Variants in IMMP2L observed in about 807,000 individuals in gnomAD.
IMMP2L encodes the protein mitochondrial inner membrane protease subunit 2.
A neutral mutation model predicts 19.3 loss-of-function variants in IMMP2L; 18 were observed. The ratio of observed to expected loss-of-function variants is 0.93; its 90% CI spans 0.64 to 1.38. The LOEUF is 1.38. Among genes scored for constraint, IMMP2L ranks in the 40% most tolerant of loss-of-function variants. The probability of loss-of-function intolerance (pLI) is 0.00; values close to 1 mark genes in which losing one functional copy is unlikely to be tolerated. For missense variants in IMMP2L, 233 were observed against 218.2 expected (o/e 1.07, Z -0.43); for synonymous variants, 76 against 73.0 (o/e 1.04, Z -0.21).
chr7:111,148,469 A>G (rs114349298), intron 3 of IMMP2L, among the ~76,000 whole-genome samples: 1 of 152,236 alleles, frequency 6.6e-6, no homozygotes, highest in African/African-American at 2.4e-5. Flanking sequence ...TAAATATATT[A>G]ACATTCATGG....
Position 111,462,704 on chromosome 7 carries a change from C to T in IMMP2L, c.239+24534G>A, listed in dbSNP as rs552724017. 3.9e-5 allele frequency among the ~76,000 whole-genome samples: 6 copies of T among 152,156 alleles called. No homozygotes were observed. In the East Asian group the frequency reaches 1.2e-3, roughly 29 times the overall value. ...CGATAAAATGTGCTTACAGACCTAA[C>T]TAAAACCCTATCATGTCCACCTCTA... is the stretch of plus-strand genomic sequence containing the variant. On this transcript the variant is annotated intron_variant, in intron 3 of 5. Transcript: ENST00000405709.
At chr7:110,787,771 G>A (rs1309747221) in intron 5 of IMMP2L, among the ~76,000 whole-genome samples, 2 of 151,864 alleles carry the variant, frequency 1.3e-5, no homozygotes, top group African/African-American at 2.4e-5. Context: ...CAGTGAACAA[G>A]ATGGCAAAAT....
At chr7:111,495,562 G>A (rs1018346280) in intron 2 of IMMP2L, among the ~76,000 whole-genome samples, 3 of 152,092 alleles carry the variant, frequency 2.0e-5, no homozygotes, top group Non-Finnish European at 4.4e-5. Flanking sequence ...TCCTCAGCTT[G>A]TGTCTAACCT....
intron 3 of IMMP2L, among the ~76,000 whole-genome samples, chr7:111,061,240 C>T (rs972987975): frequency 1.3e-5 from 2 of 152,084 alleles, no homozygotes; most frequent in African/African-American, 2.4e-5. Flanking sequence ...TAAGTGGGCA[C>T]ATTATTCAGA....
chr7:110,858,651 G>A (rs941544508), intron 5 of IMMP2L, among the ~76,000 whole-genome samples: 1 of 151,824 alleles, frequency 6.6e-6, no homozygotes, highest in African/African-American at 2.4e-5. Context: ...TATGCACAAT[G>A]TGCAGGTTAG....
intron 3 of IMMP2L, among the ~76,000 whole-genome samples, chr7:111,190,320 A>G (rs1808727556): frequency 6.6e-6 from 1 of 152,050 alleles, no homozygotes; most frequent in Non-Finnish European, 1.5e-5. Context: ...CTCTGATTCT[A>G]CTAGTCCTTC....
chr7:110,822,014 C>G (rs895344741), intron 5 of IMMP2L, among the ~76,000 whole-genome samples: 1 of 152,102 alleles, frequency 6.6e-6, no homozygotes, highest in Admixed American at 6.6e-5. Context: ...AGTCAGTCAA[C>G]TGAATGTTTA....
intron 3 of IMMP2L, among the ~76,000 whole-genome samples, chr7:111,464,703 T>C (rs1840450327): frequency 6.6e-6 from 1 of 152,198 alleles, no homozygotes. Flanking sequence ...TAAGTCACTC[T>C]AGCCTCAATC....
chr7:110,862,751 T>G (rs1807578620), intron 5 of IMMP2L, among the ~76,000 whole-genome samples: 1 of 152,094 alleles, frequency 6.6e-6, no homozygotes, highest in African/African-American at 2.4e-5. Context: ...CCTTCAGGTC[T>G]TTTGTGAACA....
chr7:111,346,016 C>A (rs1457414273), intron 3 of IMMP2L, among the ~76,000 whole-genome samples: 1 of 152,122 alleles, frequency 6.6e-6, no homozygotes, highest in East Asian at 1.9e-4. Context: ...TCAATTTCAA[C>A]CATTACTGCA....
chr7:110,998,556 T>G (rs1220812373), intron 3 of IMMP2L, among the ~76,000 whole-genome samples: 1 of 152,190 alleles, frequency 6.6e-6, no homozygotes, highest in Non-Finnish European at 1.5e-5. Context: ...GTTGGCAATA[T>G]GTACGCTGCT....
chr7:110,756,072 A>T (rs1798023338), intron 5 of IMMP2L, among the ~76,000 whole-genome samples: 1 of 152,130 alleles, frequency 6.6e-6, no homozygotes, highest in African/African-American at 2.4e-5. Flanking sequence ...CAGCACAGTT[A>T]AAGGCAAGAA....
At chr7:110,980,266 C>T (rs1456621949) in intron 3 of IMMP2L, among the ~76,000 whole-genome samples, 3 of 127,168 alleles carry the variant, frequency 2.4e-5, no homozygotes, top group East Asian at 2.2e-4. Flanking sequence ...CTCGCTCTGT[C>T]GCCCAGGCTG....
chr7:111,349,017 C>G (rs943800068), intron 3 of IMMP2L, among the ~76,000 whole-genome samples: 2 of 152,116 alleles, frequency 1.3e-5, no homozygotes, highest in African/African-American at 4.8e-5. Flanking sequence ...ACTTTATAAG[C>G]TTCAGCTTGC....
chr7:111,512,050 G>A (rs1302648271), intron 2 of IMMP2L, among the ~76,000 whole-genome samples: 1 of 152,088 alleles, frequency 6.6e-6, no homozygotes, highest in East Asian at 1.9e-4. Flanking sequence ...CAAGAGAAAT[G>A]AAATCATGTA....
intron 3 of IMMP2L, among the ~76,000 whole-genome samples, chr7:111,211,951 C>T (rs1421444099): frequency 6.6e-6 from 1 of 152,100 alleles, no homozygotes; most frequent in Admixed American, 6.5e-5. Context: ...GAGCCAAAAT[C>T]GGGCCACTGC....
At chr7:111,074,557 TA>T (rs1485234837) in intron 3 of IMMP2L, among the ~76,000 whole-genome samples, 1 of 152,192 alleles carries the variant, frequency 6.6e-6, no homozygotes, top group Non-Finnish European at 1.5e-5. Context: ...GCCAACTAAC[TA>T]GAATTCTCTG....
intron 5 of IMMP2L, among the ~76,000 whole-genome samples, chr7:110,777,949 A>T (rs1034823419): frequency 6.6e-6 from 1 of 151,948 alleles, no homozygotes; most frequent in Non-Finnish European, 1.5e-5. Context: ...ACATTTTCTA[A>T]CTGATGGACA....
At chr7:111,259,688 T>C (rs1037099693) in intron 3 of IMMP2L, among the ~76,000 whole-genome samples, 3 of 151,992 alleles carry the variant, frequency 2.0e-5, no homozygotes, top group Non-Finnish European at 2.9e-5. Context: ...AAGCTTAACT[T>C]ACCGCATATT....
Sources: allele counts gnomAD v4.1 joint callset (sites outside exome capture counted in the v4.1 genomes callset), GRCh38; gene constraint gnomAD v4.1.1; transcripts MANE v1.5; gene names NCBI Gene and HGNC (gene_info 2026-07-23, HGNC 2026-07-21).